The following TEX14 variants were observed in gnomAD, a reference collection of about 807,000 sequenced individuals.
TEX14 encodes testis expressed 14, intercellular bridge forming factor.
In TEX14, 168 loss-of-function variants were observed where a neutral mutation model predicts 178.6. That is an observed-to-expected ratio of 0.94 (90% CI 0.83 to 1.07). The LOEUF is 1.07. TEX14 is among the 50% of genes least tolerant of loss of function. The pLI is 0.00. For missense variants in TEX14, 1,730 were observed against 1,753.6 expected, an observed-to-expected ratio of 0.99 and a Z score of 0.24; for synonymous variants, 626 against 634.1, an observed-to-expected ratio of 0.99 and a Z score of 0.19.
intron 2 of TEX14, among the ~76,000 whole-genome samples, chr17:58,646,442 T>G (rs1344687461): frequency 6.6e-6 from 1 of 152,202 alleles, no homozygotes; most frequent in East Asian, 1.9e-4. Context: ...CCAGACCCTT[T>G]TCTTTTCTAG....
chr17:58,644,261 C>T (rs1247416560), intron 2 of TEX14, among the ~76,000 whole-genome samples: 3 of 152,090 alleles, frequency 2.0e-5, no homozygotes, highest in Admixed American at 2.0e-4. Context: ...GGGTGGAATG[C>T]CACCAGAAGG....
chr17:58,581,794 T>TG (rs1284468804), intron 19 of TEX14: 6 of 1,571,184 alleles, frequency 3.8e-6, no homozygotes, highest in Non-Finnish European at 5.2e-6. Flanking sequence ...CCTTTATAGT[T>TG]GGATGCAGTG....
rs1444165710 is a variant in TEX14, at chr17:58,557,023, G to A, written c.4344C>T (p.Asp1448=). Residue 1448 remains aspartate (D), a synonymous_variant, in exon 32 of 32, where the codon GAC becomes GAT. Transcript: ENST00000349033. ...GATCCAATTCCAATCAGTCTGACAA[G>A]TCACTCTGATCCAGCACGATTATCC... is the stretch of plus-strand genomic sequence containing the variant. ...SSRIIVLDQS[D]LSD 1.9e-6 allele frequency: 3 copies of A among 1,613,816 alleles called. No homozygotes were observed. Among genetic ancestry groups the A allele is most frequent in the Non-Finnish European group, 2.5e-6 (3 of 1,179,790 alleles).
intron 1 of TEX14, among the ~76,000 whole-genome samples, chr17:58,667,425 ATG>A (rs2047232648): frequency 6.6e-6 from 1 of 152,190 alleles, no homozygotes; most frequent in East Asian, 1.9e-4. Context: ...TAATTATAAC[ATG>A]TGAGTCAGGC....
chr17:58,588,588 C>T (rs1363453910), intron 15 of TEX14, among the ~76,000 whole-genome samples: 3 of 152,132 alleles, frequency 2.0e-5, no homozygotes, highest in East Asian at 3.9e-4. Flanking sequence ...CCCGGCCTAA[C>T]GTTTGTAAAA....
At chr17:58,625,129 GT>G (rs11324185) in intron 3 of TEX14, among the ~76,000 whole-genome samples, 22,143 of 145,742 alleles carry the variant, frequency 0.15, 2,480 homozygotes, top group East Asian at 0.32. Flanking sequence ...TGTTTTTTGG[GT>G]TTTTTTTTTT....
Position 58,630,545 on chromosome 17 carries a change from A to G in TEX14, c.146T>C (p.Val49Ala), listed in dbSNP as rs2046263665. The part of the protein sequence containing the change: ...VKKILKKGIY[V>A]DAVNSLGQTA... ...TTGGCCCAAGGAGTTAACTGCATCA[A>G]CATAAATTCCTGCAAAGGAAATATC... Residue 49 changes from valine to alanine, a missense_variant, in exon 3 of 32, where the codon GTT (valine) becomes GCT (alanine). Physicochemically the swap from Val to Ala is moderately conservative, Grantham distance 64. This residue lies in a region of TEX14 where 789 missense variants were observed against 681.2 expected (regional missense o/e 1.16). Transcript: ENST00000349033. The G allele has an allele frequency of 6.2e-7, 1 of 1,612,228 alleles. No individual in the cohort carries two copies. Among genetic ancestry groups the G allele is most frequent in the Non-Finnish European group, 8.5e-7 (1 of 1,178,388 alleles).
intron 2 of TEX14, among the ~76,000 whole-genome samples, chr17:58,650,372 C>A (rs914590114): frequency 6.6e-6 from 1 of 151,816 alleles, no homozygotes; most frequent in African/African-American, 2.4e-5. Context: ...AGTTTTACAA[C>A]GTTTTATTTT....
rs902512435 is a variant in TEX14 at position 58,621,763 on chromosome 17, A to C, written c.441T>G (p.Cys147Trp). The C allele has an allele frequency of 3.7e-6, 6 of 1,613,964 alleles. No homozygotes were observed. Among genetic ancestry groups the C allele is most frequent in the Non-Finnish European group, 5.1e-6 (6 of 1,179,956 alleles). ...STQIVEFMQR[C>W]ASHMQAIIQG... ...GGATGATGGCCTGCATGTGTGAGGC[A>C]CAGCGCTGCATGAACTCCACTATCT... The change falls in exon 5 of 32, where the codon TGT (cysteine) becomes TGG (tryptophan). Residue 147 changes from cysteine to tryptophan, a missense_variant. Cys to Trp is a radical substitution (Grantham distance 215, BLOSUM62 -2). Transcript: ENST00000349033.
chr17:58,558,296 A>G (rs938669602), intron 30 of TEX14, among the ~76,000 whole-genome samples: 4 of 152,226 alleles, frequency 2.6e-5, no homozygotes, highest in African/African-American at 9.6e-5. Flanking sequence ...CAGCAGTGGG[A>G]AGCCTAAGTC....
intron 1 of TEX14, among the ~76,000 whole-genome samples, chr17:58,684,792 T>C (rs2047564202): frequency 2.0e-5 from 3 of 152,082 alleles, no homozygotes; most frequent in Admixed American, 2.0e-4. Context: ...CTGGCCAATA[T>C]GGCAAAACCC....
chr17:58,557,774 C>T, intron 31 of TEX14, 25 bp downstream of exon 31: 1 of 1,595,466 alleles, frequency 6.3e-7, no homozygotes. Flanking sequence ...GACTTTTGAT[C>T]TACAAACATC....
intron 3 of TEX14, among the ~76,000 whole-genome samples, chr17:58,626,148 A>C (rs1598397499): frequency 6.6e-6 from 1 of 152,102 alleles, no homozygotes; most frequent in East Asian, 1.9e-4. Flanking sequence ...TTTCCTGCCC[A>C]ACAGCAATAG....
intron 1 of TEX14, among the ~76,000 whole-genome samples, chr17:58,658,591 A>C (rs192053344): frequency 6.6e-6 from 1 of 151,880 alleles, no homozygotes; most frequent in African/African-American, 2.4e-5. Context: ...GGGTTTCATC[A>C]TGTTGGCCAG....
At chr17:58,616,405 T>A in intron 6 of TEX14, 100 bp from the exon 7 acceptor site, 1 of 1,483,170 alleles carries the variant, frequency 6.7e-7, no homozygotes, top group Non-Finnish European at 9.0e-7. Context: ...AGCTGCTATT[T>A]ATCAACTTTC....
chr17:58,574,355 G>A (rs1056167167), intron 21 of TEX14, 106 bp from the exon 22 acceptor site: 2 of 826,398 alleles, frequency 2.4e-6, no homozygotes, highest in African/African-American at 3.4e-5. Context: ...GAGACGCAGA[G>A]GAAAGGGCAC....
rs1159256880 is a variant in TEX14 at position 58,599,591 on chromosome 17, C to A, written c.1754G>T (p.Cys585Phe). ...ATTCTGAGTCTCCCTGGCCATCAGA[C>A]ATGGATCTGGGGCCTGAGGATCTAG... Reference protein sequence around the residue: ...GTLDPQAPDPCLMARETQNQD... With the variant: ...GTLDPQAPDPFLMARETQNQD... The change falls in exon 14 of 32, where the codon TGT (cysteine) becomes TTT (phenylalanine). Residue 585 changes from cysteine to phenylalanine, a missense_variant. This residue lies in a region of TEX14 where 941 missense variants were observed against 1,072.4 expected (regional missense o/e 0.88). Coordinates refer to ENST00000349033, the MANE Select transcript of TEX14 (RefSeq NM_031272.5). 6.2e-7 allele frequency: 1 copy of A among 1,613,914 alleles called. No individual in the cohort carries two copies. Among genetic ancestry groups the A allele is most frequent in the Non-Finnish European group, 8.5e-7 (1 of 1,179,998 alleles).
intron 14 of TEX14, among the ~76,000 whole-genome samples, chr17:58,594,948 G>A (rs9303399): frequency 0.18 from 28,132 of 152,092 alleles, 2,777 homozygotes; most frequent in Non-Finnish European, 0.21. Context: ...AGCAAGATGT[G>A]TAAAAGTGAG....
At chr17:58,600,757 AG>A (rs2045415136) in intron 13 of TEX14, among the ~76,000 whole-genome samples, 1 of 152,080 alleles carries the variant, frequency 6.6e-6, no homozygotes, top group Non-Finnish European at 1.5e-5. Context: ...GCACTGCTGA[AG>A]GAGAGTCAGA....
Sources: gnomAD v4.1 joint callset for allele counts (sites outside exome capture counted in the v4.1 genomes callset) on GRCh38, gnomAD v4.1.1 for gene constraint, gnomAD v4.1.1 regional missense constraint, MANE v1.5 for transcripts, NCBI Gene and HGNC (gene_info 2026-07-23, HGNC 2026-07-21) for gene names.